Variants in CACNA2D3 observed in about 807,000 individuals in gnomAD.
The protein encoded by CACNA2D3 is calcium voltage-gated channel auxiliary subunit alpha2delta 3.
CACNA2D3 carries 60 observed loss-of-function variants against 160.6 expected under a neutral mutation model. The observed-to-expected ratio is 0.37, with a 90% confidence interval of 0.30 to 0.46. The LOEUF is 0.46. Ranked by LOEUF, CACNA2D3 falls within the 20% of genes least tolerant of loss-of-function variation. The pLI, the probability that CACNA2D3 is intolerant of heterozygous loss-of-function variation, is 1.00. For missense variants in CACNA2D3, 1,205 were observed against 1,365.0 expected (o/e 0.88, Z 1.85); for synonymous variants, 558 against 492.9 (o/e 1.13, Z -1.75).
chr3:54,831,649 C>A (rs1366898577), intron 14 of CACNA2D3, among the ~76,000 whole-genome samples: 1 of 152,148 alleles, frequency 6.6e-6, no homozygotes, highest in African/African-American at 2.4e-5. Context: ...ACCTAAATTT[C>A]TTCTCTTGTG....
At chr3:54,958,694 A>T (rs1206367602) in intron 27 of CACNA2D3, among the ~76,000 whole-genome samples, 1 of 152,204 alleles carries the variant, frequency 6.6e-6, no homozygotes, top group Non-Finnish European at 1.5e-5. Context: ...AAGCTGCAGG[A>T]TACAAACTGT....
chr3:55,002,687 A>G lies in CACNA2D3; in HGVS notation c.2691-2076A>G, dbSNP rs867291568. Among the ~76,000 whole-genome samples the G allele has an allele frequency of 6.6e-5, 10 of 152,360 alleles. No individual in the cohort carries two copies. The South Asian group carries it at 2.1e-3, about 32-fold the overall frequency. The stretch of plus-strand genomic sequence containing the variant: ...AAAAGCCAGAGGACAGTGAAGAAAT[A>G]TTCTGATGAAGAAAAGACCTTGAGG... On this transcript the variant is annotated intron_variant, in intron 31 of 37. Transcript: ENST00000474759.
intron 13 of CACNA2D3, among the ~76,000 whole-genome samples, chr3:54,804,120 A>G (rs1227704820): frequency 2.6e-5 from 4 of 152,212 alleles, no homozygotes; most frequent in Admixed American, 6.5e-5. Flanking sequence ...TGTAAAGACC[A>G]TCGAGACTAG....
At chr3:54,760,302 G>A (rs990204293) in intron 12 of CACNA2D3, among the ~76,000 whole-genome samples, 1 of 152,034 alleles carries the variant, frequency 6.6e-6, no homozygotes, top group South Asian at 2.1e-4. Context: ...GATAAAGGGT[G>A]TCCCAGGCAG....
intron 17 of CACNA2D3, among the ~76,000 whole-genome samples, chr3:54,854,085 G>A (rs1437759931): frequency 3.9e-5 from 6 of 152,170 alleles, no homozygotes; most frequent in Admixed American, 2.6e-4. Context: ...GAGCCCGGGC[G>A]ACTGCAACCT....
chr3:54,363,139 G>C (rs1444541978), intron 3 of CACNA2D3, among the ~76,000 whole-genome samples: 1 of 152,138 alleles, frequency 6.6e-6, no homozygotes, highest in Non-Finnish European at 1.5e-5. Context: ...AGATTGCAGT[G>C]AGCCGAGATT....
intron 6 of CACNA2D3, among the ~76,000 whole-genome samples, chr3:54,564,875 A>G (rs935030112): frequency 3.3e-5 from 5 of 152,346 alleles, no homozygotes; most frequent in Admixed American, 6.5e-5. Flanking sequence ...GTAATTTGAA[A>G]TCTAGGGAGT....
chr3:54,402,805 C>T (rs1392796993), intron 4 of CACNA2D3, among the ~76,000 whole-genome samples: 23 of 152,176 alleles, frequency 1.5e-4, no homozygotes, highest in Admixed American at 1.5e-3. Flanking sequence ...CACAACTTTC[C>T]ATCCAACAGC....
intron 10 of CACNA2D3, among the ~76,000 whole-genome samples, chr3:54,636,807 A>G (rs1394714001): frequency 6.6e-6 from 1 of 152,042 alleles, no homozygotes; most frequent in Non-Finnish European, 1.5e-5. Context: ...GTAACAGATG[A>G]GGATGAAATT....
At chr3:54,508,236 G>A (rs141651909) in intron 5 of CACNA2D3, among the ~76,000 whole-genome samples, 80 of 152,330 alleles carry the variant, frequency 5.3e-4, no homozygotes, top group African/African-American at 1.1e-3. Flanking sequence ...GCCATCAGGA[G>A]GTCATGAACA....
intron 35 of CACNA2D3, among the ~76,000 whole-genome samples, chr3:55,020,458 T>A (rs1703421982): frequency 6.7e-6 from 1 of 149,884 alleles, no homozygotes. Context: ...GTATAGTATG[T>A]ATGTATTACA....
intron 3 of CACNA2D3, among the ~76,000 whole-genome samples, chr3:54,353,864 C>T (rs2107535432): frequency 6.6e-6 from 1 of 152,308 alleles, no homozygotes; most frequent in Middle Eastern, 3.4e-3. Flanking sequence ...GGAAAGGCCC[C>T]TCAGGGTGAT....
intron 31 of CACNA2D3, among the ~76,000 whole-genome samples, chr3:55,000,106 G>A (rs1702947802): frequency 6.6e-6 from 1 of 152,184 alleles, no homozygotes; most frequent in Non-Finnish European, 1.5e-5. Context: ...ACTGCTGAGT[G>A]CAGCTGCACA....
intron 2 of CACNA2D3, among the ~76,000 whole-genome samples, chr3:54,265,501 T>C (rs1381028963): frequency 6.6e-6 from 1 of 151,658 alleles, no homozygotes; most frequent in African/African-American, 2.4e-5. Flanking sequence ...AACCTGCACA[T>C]TCTGCACATG....
intron 2 of CACNA2D3, among the ~76,000 whole-genome samples, chr3:54,202,351 C>A (rs571499812): frequency 1.3e-4 from 20 of 152,342 alleles, no homozygotes; most frequent in African/African-American, 4.6e-4. Flanking sequence ...ATTCTGTGAG[C>A]TCATCTGGCT....
At chr3:54,517,454 A>C (rs928412418) in intron 5 of CACNA2D3, among the ~76,000 whole-genome samples, 3 of 152,170 alleles carry the variant, frequency 2.0e-5, no homozygotes, top group African/African-American at 7.2e-5. Flanking sequence ...TAAATGACAT[A>C]GCTCCAAGAC....
At chr3:54,667,674 G>T (rs564206804) in intron 11 of CACNA2D3, among the ~76,000 whole-genome samples, 1 of 152,174 alleles carries the variant, frequency 6.6e-6, no homozygotes, top group Non-Finnish European at 1.5e-5. Context: ...GTCAGGTGCC[G>T]TGGCTCACGC....
intron 2 of CACNA2D3, among the ~76,000 whole-genome samples, chr3:54,317,195 G>A (rs1211372334): frequency 6.6e-6 from 1 of 152,196 alleles, no homozygotes; most frequent in Non-Finnish European, 1.5e-5. Context: ...AATAGTCTCA[G>A]TGATGGTCAT....
At chr3:54,721,172 A>C (rs1701162982) in intron 11 of CACNA2D3, among the ~76,000 whole-genome samples, 1 of 152,166 alleles carries the variant, frequency 6.6e-6, no homozygotes, top group Non-Finnish European at 1.5e-5. Flanking sequence ...TATATAATGT[A>C]CATACCTTAG....
Sources: gnomAD v4.1 joint callset for allele counts (sites outside exome capture counted in the v4.1 genomes callset) on GRCh38, gnomAD v4.1.1 for gene constraint, MANE v1.5 for transcripts, NCBI Gene and HGNC (gene_info 2026-07-23, HGNC 2026-07-21) for gene names.